The following CCDC171 variants were observed in gnomAD, a reference collection of about 807,000 sequenced individuals.
CCDC171 encodes the protein coiled-coil domain-containing protein 171.
In CCDC171, 177 loss-of-function variants were observed where a neutral mutation model predicts 168.2. The ratio of observed to expected loss-of-function variants is 1.05; its 90% CI spans 0.93 to 1.19. The LOEUF (loss-of-function observed/expected upper bound fraction) is 1.19, where lower values mean the gene tolerates loss of function less well. CCDC171 is among the 50% of genes most tolerant of loss of function. The pLI is 0.00. For missense variants in CCDC171, 1,991 were observed against 1,539.0 expected, an observed-to-expected ratio of 1.29 and a Z score of -4.91; for synonymous variants, 687 against 540.8, an observed-to-expected ratio of 1.27 and a Z score of -3.75.
At chr9:16,088,444 A>G in the CCDC171 span, among the ~76,000 whole-genome samples, 4 of 152,214 alleles carry the variant, frequency 2.6e-5, no homozygotes, top group African/African-American at 9.6e-5. Context: ...CTGTTTGCAA[A>G]TGACATGATT....
At chr9:16,060,338 C>T (rs904576859) in intron 1 of CCDC171, among the ~76,000 whole-genome samples, 3 of 152,168 alleles carry the variant, frequency 2.0e-5, no homozygotes, top group South Asian at 2.1e-4. Flanking sequence ...AGGGTCTTTG[C>T]GTGGCGCCTC....
intron 1 of CCDC171, among the ~76,000 whole-genome samples, chr9:15,559,649 T>C (rs1450014641): frequency 6.6e-6 from 1 of 152,172 alleles, no homozygotes; most frequent in Non-Finnish European, 1.5e-5. Flanking sequence ...ATAGGTCTCC[T>C]CAGTACAGCA....
At chr9:15,662,299 AG>A (rs1456689507) in intron 8 of CCDC171, among the ~76,000 whole-genome samples, 2 of 152,022 alleles carry the variant, frequency 1.3e-5, no homozygotes, top group Non-Finnish European at 1.5e-5. Flanking sequence ...CCCCCAAAAA[AG>A]AATAAACATT....
At chr9:15,708,126 G>C (rs2052385600) in intron 11 of CCDC171, among the ~76,000 whole-genome samples, 1 of 151,954 alleles carries the variant, frequency 6.6e-6, no homozygotes, top group African/African-American at 2.4e-5. Flanking sequence ...GGGATTACAG[G>C]CATGAGCCAC....
rs958588820 is a variant in CCDC171 at position 15,564,074 on chromosome 9, G to A, written c.-15G>A. 2 of 1,595,460 alleles carry A rather than the reference G, an allele frequency of 1.3e-6. No individual in the cohort carries two copies. Among genetic ancestry groups the A allele is most frequent in the Non-Finnish European group, 1.7e-6 (2 of 1,166,598 alleles). On this transcript the variant is annotated 5_prime_UTR_variant, in exon 2 of 26. Transcript: ENST00000380701. ...TAAGAAATAGCAGGGTATTTTGAAA[G>A]AGTTGGAAAACATCATGAATTTGAA...
chr9:15,977,471 G>T (rs1186566223), downstream of CCDC171, among the ~76,000 whole-genome samples: 1 of 152,192 alleles, frequency 6.6e-6, no homozygotes, highest in African/African-American at 2.4e-5. Context: ...ATCATATTCT[G>T]TGTAGGTGTG....
intron 7 of CCDC171, among the ~76,000 whole-genome samples, chr9:15,635,570 C>G (rs2046137951): frequency 6.6e-6 from 1 of 152,148 alleles, no homozygotes; most frequent in African/African-American, 2.4e-5. Context: ...GGTGCCCACC[C>G]AGACTGAGGG....
In CCDC171 at chr9:15,872,505, T is replaced by C. The variant is rs116254307; in HGVS notation, c.3469-2027T>C. ...TACATTGCTTATGGTTTTTTTCCCCTCTCTTTGCCCGTATTAGCAATCTGC... is the reference window on the plus strand; with the variant it reads ...TACATTGCTTATGGTTTTTTTCCCCCCTCTTTGCCCGTATTAGCAATCTGC... On this transcript the variant is annotated intron_variant, in intron 23 of 25. Transcript: ENST00000380701. Among the ~76,000 whole-genome samples, 509 of 152,118 alleles carry C rather than the reference T, an allele frequency of 3.3e-3. 2 individuals carry two copies. The highest frequency in any genetic ancestry group is 0.012 in the African/African-American group (482 of 41,552).
intron 24 of CCDC171, among the ~76,000 whole-genome samples, chr9:15,915,851 C>G (rs1824426366): frequency 6.6e-6 from 1 of 152,116 alleles, no homozygotes; most frequent in Admixed American, 6.6e-5. Context: ...AATGCCTTCT[C>G]TGCATCTATT....
chr9:15,931,233 C>A (rs1172809748), intron 25 of CCDC171, among the ~76,000 whole-genome samples: 1 of 151,758 alleles, frequency 6.6e-6, no homozygotes, highest in East Asian at 1.9e-4. Flanking sequence ...TTTTTCTCCA[C>A]ATCCTTACCA....
intron 23 of CCDC171, among the ~76,000 whole-genome samples, chr9:15,851,153 C>T (rs1465091581): frequency 6.6e-6 from 1 of 151,870 alleles, no homozygotes; most frequent in African/African-American, 2.4e-5. Flanking sequence ...AAAACAATTA[C>T]ATTTTATTTA....
At chr9:15,773,979 C>T (rs2057157070) in intron 18 of CCDC171, among the ~76,000 whole-genome samples, 1 of 152,082 alleles carries the variant, frequency 6.6e-6, no homozygotes, top group African/African-American at 2.4e-5. Context: ...GGTGCGGTGG[C>T]TCACGCCTGT....
intron 25 of CCDC171, among the ~76,000 whole-genome samples, chr9:15,938,855 G>T (rs549015169): frequency 5.1e-4 from 77 of 151,746 alleles, no homozygotes; most frequent in African/African-American, 1.7e-3. Context: ...CTTTATTTTT[G>T]ATTAGTTCTA....
chr9:15,983,817 AGT>A lies in CCDC171; in HGVS notation n.369-36733_369-36732del, dbSNP rs58951910. 6.7e-3 allele frequency among the ~76,000 whole-genome samples: 957 copies of A among 142,594 alleles called. 8 individuals carry two copies. The highest frequency in any genetic ancestry group is 9.1e-3 in the Admixed American group (128 of 14,014). 93.5% of individuals were successfully genotyped at this position (142,594 alleles called of 152,430 possible). A position where few individuals can be genotyped will look rare whatever the true frequency, so the allele number is the denominator to read the frequency against. On this transcript the variant is annotated intron_variant and non_coding_transcript_variant, in intron 3 of 9. Coordinates refer to the CCDC171 transcript ENST00000486641. ...AGGGAGGCAAGAGCTAAATAAAGAG[AGT>A]GTGTGTGTGTGTGTGTGTGTGTGTG...
chr9:16,036,819 A>G (rs760191611), intron 8 of CCDC171, among the ~76,000 whole-genome samples: 1 of 144,770 alleles, frequency 6.9e-6, no homozygotes, highest in African/African-American at 2.7e-5. Flanking sequence ...TGACATAAAC[A>G]TGTGATTCTA....
intron 9 of CCDC171, among the ~76,000 whole-genome samples, chr9:15,670,713 A>T (rs1333193052): frequency 2.0e-5 from 3 of 152,138 alleles, no homozygotes; most frequent in Non-Finnish European, 4.4e-5. Flanking sequence ...AATTTTTGTT[A>T]ACCCATCTTT....
chr9:15,954,670 T>TTTC (rs1829597311), intron 25 of CCDC171, among the ~76,000 whole-genome samples: 1 of 71,292 alleles, frequency 1.4e-5, no homozygotes, highest in East Asian at 1.3e-3. Flanking sequence ...TGCTTGTTGA[T>TTTC]TTTTTTTTTG....
chr9:15,555,884 C>G (rs1007216443), intron 1 of CCDC171, among the ~76,000 whole-genome samples: 2 of 151,336 alleles, frequency 1.3e-5, no homozygotes, highest in Non-Finnish European at 2.9e-5. Flanking sequence ...CACCCTGTGT[C>G]CAAGTATTCT....
chr9:15,882,693 C>G (rs1189784096), intron 24 of CCDC171, among the ~76,000 whole-genome samples: 1 of 152,042 alleles, frequency 6.6e-6, no homozygotes, highest in Non-Finnish European at 1.5e-5. Flanking sequence ...GTATCTTCTC[C>G]TAAGATTTTA....
Sources: allele counts gnomAD v4.1 joint callset (sites outside exome capture counted in the v4.1 genomes callset), GRCh38; gene constraint gnomAD v4.1.1; transcripts MANE v1.5; gene names NCBI Gene and HGNC (gene_info 2026-07-23, HGNC 2026-07-21).